The following MGAT4C variants were observed in gnomAD, a reference collection of about 807,000 sequenced individuals.
MGAT4C encodes MGAT4 family member C.
Under a neutral mutation model 40.1 loss-of-function variants are expected in MGAT4C, and 19 were observed. The observed-to-expected ratio is 0.47, with a 90% CI of 0.33 to 0.70. The LOEUF (loss-of-function observed/expected upper bound fraction) is 0.70, where lower values mean the gene tolerates loss of function less well. Ranked by LOEUF, MGAT4C falls within the 30% of genes least tolerant of loss-of-function variation. The probability of loss-of-function intolerance (pLI) is 0.02; values close to 1 mark genes in which losing one functional copy is unlikely to be tolerated. For synonymous variants in MGAT4C, 181 were observed against 187.1 expected, an observed-to-expected ratio of 0.97 and a Z score of 0.27; for missense variants, 491 against 563.2, an observed-to-expected ratio of 0.87 and a Z score of 1.30.
In MGAT4C at chr12:85,959,011, T is replaced by G. The variant is rs1330774364; in HGVS notation, c.*20278A>C. 2 of 141,876 alleles carry G rather than the reference T, an allele frequency of 1.4e-5. No homozygotes were observed. The highest frequency in any genetic ancestry group is 3.9e-4 in the East Asian group (2 of 5,112). 8.8% of individuals were successfully genotyped at this position (141,876 alleles called of 1,614,324 possible). A position where few individuals can be genotyped will look rare whatever the true frequency, so the allele number is the denominator to read the frequency against. The stretch of plus-strand genomic sequence containing the variant: ...GTTACTTCTGCTATGTTATTAAATC[T>G]CTGGTAACCACTATACAATACAATA... On this transcript the variant is annotated 3_prime_UTR_variant, in exon 5 of 5. Transcript: ENST00000611864.
At chr12:86,459,593 A>T (rs1326034083) in intron 2 of MGAT4C, among the ~76,000 whole-genome samples, 2 of 151,950 alleles carry the variant, frequency 1.3e-5, no homozygotes, top group Non-Finnish European at 2.9e-5. Flanking sequence ...GAGAACCCTA[A>T]GTTTCAGATG....
chr12:86,232,153 GA>G (rs1951350178), intron 1 of MGAT4C, among the ~76,000 whole-genome samples: 1 of 143,528 alleles, frequency 7.0e-6, no homozygotes, highest in Admixed American at 6.9e-5. Context: ...AAAAAAAAAG[GA>G]GGGGGGCGGG....
At chr12:86,660,973 T>C (rs1309694318) in intron 2 of MGAT4C, among the ~76,000 whole-genome samples, 2 of 152,206 alleles carry the variant, frequency 1.3e-5, no homozygotes, top group Non-Finnish European at 2.9e-5. Context: ...TGGTGATTCA[T>C]AGCCCTGGGT....
chr12:86,685,786 T>C lies in MGAT4C; in HGVS notation c.-229+41423A>G, dbSNP rs551761625. Among the ~76,000 whole-genome samples, 10 of 152,290 alleles carry C rather than the reference T, an allele frequency of 6.6e-5. No homozygotes were observed. In the South Asian group the frequency reaches 1.7e-3, roughly 25 times the overall value. On this transcript the variant is annotated intron_variant, in intron 2 of 7. Coordinates refer to the MGAT4C transcript ENST00000548651. The stretch of plus-strand genomic sequence containing the variant: ...GTATTCTTAGGTATTTTATTCTCTT[T>C]GTAGCAATTGTGAATGGGAGTTCAC...
At chr12:86,509,578 T>G (rs893920423) in intron 2 of MGAT4C, among the ~76,000 whole-genome samples, 25 of 152,092 alleles carry the variant, frequency 1.6e-4, no homozygotes, top group Non-Finnish European at 3.7e-4. Flanking sequence ...TTTAAAGTAG[T>G]TTTTTCCAAT....
At position 86,012,778 on chromosome 12, in the gene MGAT4C, A is replaced by ACCACC. The variant is rs1888608951; in HGVS notation, c.-6-23227_-6-23226insGGTGG. ...AAACAACAACAACAACAACAACAAC[A>ACCACC]ACCACCACCACCACCACCACCACCA... On this transcript the variant is annotated intron_variant, in intron 2 of 4. Coordinates refer to ENST00000611864, the MANE Select transcript of MGAT4C (RefSeq NM_001351288.2). Among the ~76,000 whole-genome samples, 5 of 136,452 alleles carry ACCACC rather than the reference A, an allele frequency of 3.7e-5. No individual in the cohort carries two copies. In the South Asian group the frequency reaches 7.3e-4, roughly 20 times the overall value. 89.5% of individuals were successfully genotyped at this position (136,452 alleles called of 152,430 possible).
chr12:86,530,128 A>G (rs1391316475), intron 2 of MGAT4C, among the ~76,000 whole-genome samples: 1 of 152,004 alleles, frequency 6.6e-6, no homozygotes, highest in African/African-American at 2.4e-5. Context: ...ATTAACTTAT[A>G]TAGCTGTCTA....
chr12:86,822,612 C>T (rs1372500903), intron 1 of MGAT4C, among the ~76,000 whole-genome samples: 4 of 150,876 alleles, frequency 2.7e-5, no homozygotes, highest in Non-Finnish European at 4.5e-5. Context: ...CAGTGTATAA[C>T]GATAAAAGAG....
intron 1 of MGAT4C, among the ~76,000 whole-genome samples, chr12:86,733,738 G>T (rs949417738): frequency 5.9e-5 from 9 of 152,100 alleles, no homozygotes; most frequent in Non-Finnish European, 8.8e-5. Flanking sequence ...AAGGAAGAAG[G>T]GGGGGAGACA....
chr12:86,335,834 A>G (rs1954775704), intron 3 of MGAT4C, among the ~76,000 whole-genome samples: 1 of 152,132 alleles, frequency 6.6e-6, no homozygotes, highest in African/African-American at 2.4e-5. Context: ...ATCATTTATC[A>G]TGACCTACAT....
chr12:86,276,295 G>A (rs1409254989), intron 4 of MGAT4C, among the ~76,000 whole-genome samples: 1 of 151,888 alleles, frequency 6.6e-6, no homozygotes, highest in Non-Finnish European at 1.5e-5. Context: ...AATTTTGTAG[G>A]TATATGGTGT....
intron 1 of MGAT4C, among the ~76,000 whole-genome samples, chr12:86,746,216 C>A (rs1951149353): frequency 6.6e-6 from 1 of 151,676 alleles, no homozygotes; most frequent in African/African-American, 2.4e-5. Flanking sequence ...CTAACCCATT[C>A]TCCACAAGGC....
intron 1 of MGAT4C, among the ~76,000 whole-genome samples, chr12:86,172,640 A>ATT (rs1445705999): frequency 6.6e-6 from 1 of 152,116 alleles, no homozygotes; most frequent in African/African-American, 2.4e-5. Flanking sequence ...TAACTTTTGA[A>ATT]TTATGGTGTT....
At position 85,966,954 on chromosome 12, in the gene MGAT4C, G is replaced by C. The variant is rs1258528853; in HGVS notation, c.*12335C>G. The stretch of plus-strand genomic sequence containing the variant: ...AGATATACCTAATGTTAAATGACGA[G>C]TTAATGGGTGCAGCACACCAACATG... On this transcript the variant is annotated 3_prime_UTR_variant, in exon 5 of 5. Transcript: ENST00000611864. 1 of 151,816 alleles carries C rather than the reference G, an allele frequency of 6.6e-6. No individual in the cohort carries two copies. The highest frequency in any genetic ancestry group is 1.5e-5 in the Non-Finnish European group (1 of 67,946). The allele number at this position is 151,816 out of a possible 1,614,324, so 9.4% of individuals were successfully genotyped here.
intron 1 of MGAT4C, among the ~76,000 whole-genome samples, chr12:86,114,648 G>T (rs1482072127): frequency 6.6e-6 from 1 of 151,494 alleles, no homozygotes; most frequent in Non-Finnish European, 1.5e-5. Flanking sequence ...TATTTTACTC[G>T]TGCCATATAA....
chr12:86,076,068 T>C (rs1023595050), intron 1 of MGAT4C, among the ~76,000 whole-genome samples: 1 of 152,230 alleles, frequency 6.6e-6, no homozygotes, highest in African/African-American at 2.4e-5. Flanking sequence ...GTTTCCCTTT[T>C]AAAACTGAAT....
At chr12:86,129,985 G>A (rs1880936787) in intron 1 of MGAT4C, among the ~76,000 whole-genome samples, 1 of 152,232 alleles carries the variant, frequency 6.6e-6, no homozygotes, top group Non-Finnish European at 1.5e-5. Context: ...TTTACTAAGA[G>A]ATAGAGAGCA....
chr12:86,380,953 T>C, intron 3 of MGAT4C, among the ~76,000 whole-genome samples: 1 of 152,154 alleles, frequency 6.6e-6, no homozygotes, highest in East Asian at 1.9e-4. Context: ...TATGAAAATA[T>C]GAGAAAACAC....
chr12:86,032,137 C>A (rs1177956314), intron 2 of MGAT4C, among the ~76,000 whole-genome samples: 1 of 151,866 alleles, frequency 6.6e-6, no homozygotes, highest in African/African-American at 2.4e-5. Context: ...TGGTATATAT[C>A]TACCACGTTT....
Sources: allele counts gnomAD v4.1 joint callset (sites outside exome capture counted in the v4.1 genomes callset), GRCh38; gene constraint gnomAD v4.1.1; transcripts MANE v1.5; gene names NCBI Gene and HGNC (gene_info 2026-07-23, HGNC 2026-07-21).